UROS: variants seen among roughly 807,000 people sequenced by gnomAD.
UROS encodes the protein uroporphyrinogen-III synthase.
UROS carries 18 observed loss-of-function variants against 33.0 expected under a neutral mutation model. The ratio of observed to expected loss-of-function variants is 0.55; its 90% CI spans 0.38 to 0.81. The LOEUF is 0.81. Among genes scored for constraint, UROS ranks in the 30% least tolerant of loss-of-function variants. The pLI is 0.00. For missense variants in UROS, 293 were observed against 314.9 expected (o/e 0.93, Z 0.53); for synonymous variants, 114 against 121.1 (o/e 0.94, Z 0.38).
intron 4 of UROS, among the ~76,000 whole-genome samples, chr10:125,814,829 CAG>C (rs1452236283): frequency 1.3e-5 from 2 of 152,182 alleles, no homozygotes; most frequent in Non-Finnish European, 2.9e-5. Flanking sequence ...AACGAATAGA[CAG>C]GGGAAAGTCC....
intron 9 of UROS, among the ~76,000 whole-genome samples, chr10:125,790,830 C>A (rs1392634631): frequency 1.3e-5 from 2 of 149,216 alleles, no homozygotes; most frequent in Non-Finnish European, 1.5e-5. Context: ...GTGGCTCATG[C>A]CTGTAATACC....
rs1850704981 is a variant in UROS, at chr10:125,788,675, G to A, written c.*193C>T. ...TAGGGTTTAAGCTGGCTTCCACAGA[G>A]GGCAGTCACGTGCACGTGGGCCTGA... On this transcript the variant is annotated 3_prime_UTR_variant, in exon 10 of 10. Coordinates refer to ENST00000368797, the MANE Select transcript of UROS (RefSeq NM_000375.3). The A allele has an allele frequency of 2.8e-6, 4 of 1,430,606 alleles. No homozygotes were observed. Among genetic ancestry groups the A allele is most frequent in the Middle Eastern group, 2.6e-4 (1 of 3,874 alleles). The allele number at this position is 1,430,606 out of a possible 1,614,324, so 88.6% of individuals were successfully genotyped here.
At chr10:125,786,278 CTT>C (rs751762144), downstream of UROS, among the ~76,000 whole-genome samples, 32 of 138,392 alleles carry the variant, frequency 2.3e-4, no homozygotes, top group East Asian at 2.1e-4. Flanking sequence ...GCACATGAAC[CTT>C]TTTTTTTTTT....
chr10:125,803,955 C>T (rs1852082713), intron 6 of UROS, among the ~76,000 whole-genome samples: 2 of 152,244 alleles, frequency 1.3e-5, no homozygotes. Context: ...TTCTTTTGGA[C>T]ACCCTGACAT....
intron 6 of UROS, chr10:125,802,886 C>A (rs1423780683): frequency 1.2e-5 from 19 of 1,579,086 alleles, no homozygotes; most frequent in Non-Finnish European, 1.5e-5. Context: ...TCAGGCTGGC[C>A]TCACCCTCAG....
At chr10:125,786,363 C>T (rs1243198989), downstream of UROS, among the ~76,000 whole-genome samples, 1 of 151,698 alleles carries the variant, frequency 6.6e-6, no homozygotes, top group Non-Finnish European at 1.5e-5. Context: ...CTGCAACCTC[C>T]AACTCCTGGC....
intron 6 of UROS, among the ~76,000 whole-genome samples, chr10:125,806,440 A>C (rs1408633641): frequency 6.6e-6 from 1 of 152,204 alleles, no homozygotes; most frequent in African/African-American, 2.4e-5. Context: ...CTGGCCTCCC[A>C]GCTCAGCAGA....
intron 6 of UROS, among the ~76,000 whole-genome samples, chr10:125,805,170 C>G (rs1019678812): frequency 2.6e-5 from 4 of 152,264 alleles, no homozygotes; most frequent in Non-Finnish European, 5.9e-5. Flanking sequence ...GGGACTACAG[C>G]TTATTCATCT....
At chr10:125,806,017 T>C (rs771785783) in intron 6 of UROS, among the ~76,000 whole-genome samples, 6 of 152,112 alleles carry the variant, frequency 3.9e-5, no homozygotes, top group Admixed American at 6.5e-5. Flanking sequence ...AGGGGCCTAA[T>C]TAAGCTCCAG....
chr10:125,788,145 A>G (rs1358783667), downstream of UROS, among the ~76,000 whole-genome samples: 4 of 152,172 alleles, frequency 2.6e-5, no homozygotes, highest in Admixed American at 1.3e-4. Context: ...TGCTACTAAG[A>G]GACAAGTCTG....
intron 6 of UROS, chr10:125,807,160 C>T (rs1852404733): frequency 3.9e-6 from 2 of 511,126 alleles, no homozygotes; most frequent in African/African-American, 1.9e-5. Flanking sequence ...TTTTTATCTC[C>T]CAAATGTTTT....
intron 6 of UROS, chr10:125,802,829 A>G: frequency 6.8e-7 from 1 of 1,480,594 alleles, no homozygotes; most frequent in Non-Finnish European, 8.9e-7. Flanking sequence ...GCGCTCCTGG[A>G]GATGAGTTGA....
intron 9 of UROS, among the ~76,000 whole-genome samples, chr10:125,790,148 A>G (rs1451457278): frequency 6.6e-6 from 1 of 152,114 alleles, no homozygotes; most frequent in Non-Finnish European, 1.5e-5. Context: ...GAGGGAGGCC[A>G]CTGTCCTGCA....
rs148014805 is a variant in UROS, at chr10:125,807,026, G to A, written c.394+387C>T. 8.8e-5 allele frequency: 21 copies of A among 239,152 alleles called. No homozygotes were observed. The East Asian group carries it at 1.3e-3, about 15-fold the overall frequency. The allele number at this position is 239,152 out of a possible 1,614,324, so 14.8% of individuals were successfully genotyped here. On this transcript the variant is annotated intron_variant, in intron 6 of 9. Transcript: ENST00000368797. ...TTCTTTACCTGGGAGCAAGCTGGGA[G>A]AGGGAATTCAGAGACAGAAGTAGCT... is the stretch of plus-strand genomic sequence containing the variant.
chr10:125,816,161 T>G lies in UROS; in HGVS notation c.147+16A>C. The G allele has an allele frequency of 6.2e-7, 1 of 1,611,960 alleles. No individual in the cohort carries two copies. ...AATCAAACACTAACATGGTGCTCAGTCACAACAGGCCTTACCTTCTCAGAG... is the reference window on the plus strand; with the variant it reads ...AATCAAACACTAACATGGTGCTCAGGCACAACAGGCCTTACCTTCTCAGAG... On this transcript the variant is annotated intron_variant, in intron 3 of 9. Transcript: ENST00000368797.
intron 9 of UROS, chr10:125,789,225 G>A: frequency 1.4e-6 from 2 of 1,433,596 alleles, no homozygotes; most frequent in East Asian, 2.5e-5. Flanking sequence ...CACCCTGAGC[G>A]ACTGTCGCCA....
downstream of UROS, among the ~76,000 whole-genome samples, chr10:125,786,541 G>A (rs1850637829): frequency 6.6e-6 from 1 of 152,204 alleles, no homozygotes; most frequent in South Asian, 2.1e-4. Flanking sequence ...TGGGATTACA[G>A]GTGTGAGCCA....
intron 6 of UROS, chr10:125,802,418 C>G (rs946631927): frequency 1.0e-6 from 1 of 985,736 alleles, no homozygotes; most frequent in African/African-American, 1.7e-5. Flanking sequence ...TGACCCCCAG[C>G]AATCCAGTCT....
chr10:125,804,843 G>A (rs1028312321), intron 6 of UROS, among the ~76,000 whole-genome samples: 9 of 152,192 alleles, frequency 5.9e-5, no homozygotes, highest in African/African-American at 2.2e-4. Flanking sequence ...GGTTACTGAT[G>A]TATATGTTCC....
Sources: allele counts gnomAD v4.1 joint callset (sites outside exome capture counted in the v4.1 genomes callset), GRCh38; gene constraint gnomAD v4.1.1; transcripts MANE v1.5; gene names NCBI Gene and HGNC (gene_info 2026-07-23, HGNC 2026-07-21).